The following KPNA4 variants were observed in gnomAD, a reference collection of about 807,000 sequenced individuals.
KPNA4 encodes karyopherin subunit alpha 4, also known as importin subunit alpha-3.
KPNA4 carries 13 observed loss-of-function variants against 71.3 expected under a neutral mutation model. The ratio of observed to expected loss-of-function variants is 0.18; its 90% CI spans 0.12 to 0.29. The LOEUF is 0.29. KPNA4 is among the 10% of genes least tolerant of loss of function. The pLI, the probability that KPNA4 is intolerant of heterozygous loss-of-function variation, is 1.00. For missense variants in KPNA4, 334 were observed against 603.2 expected, an observed-to-expected ratio of 0.55 and a Z score of 4.67; for synonymous variants, 189 against 195.2, an observed-to-expected ratio of 0.97 and a Z score of 0.26.
At chr3:160,517,026 C>T (rs1029860543) in intron 11 of KPNA4, among the ~76,000 whole-genome samples, 3 of 151,844 alleles carry the variant, frequency 2.0e-5, no homozygotes, top group African/African-American at 7.3e-5. Context: ...TTCAGTAGTT[C>T]TTAGTATATT....
At chr3:160,522,492 C>T (rs1250127508) in intron 10 of KPNA4, among the ~76,000 whole-genome samples, 1 of 151,558 alleles carries the variant, frequency 6.6e-6, no homozygotes, top group Non-Finnish European at 1.5e-5. Context: ...GAGTCTCGCT[C>T]TGTCGCCCAG....
chr3:160,508,707 C>CG (rs1721037073), intron 14 of KPNA4, among the ~76,000 whole-genome samples: 1 of 151,756 alleles, frequency 6.6e-6, no homozygotes. Context: ...TATATAGAGA[C>CG]GGGGGTCTCA....
intron 11 of KPNA4, among the ~76,000 whole-genome samples, chr3:160,516,017 C>A (rs1263194922): frequency 2.6e-5 from 4 of 151,686 alleles, no homozygotes; most frequent in Non-Finnish European, 4.4e-5. Flanking sequence ...GACGGAGTCT[C>A]ACTCTGTCGC....
chr3:160,518,811 A>G (rs1008101636), intron 11 of KPNA4, among the ~76,000 whole-genome samples: 4 of 152,110 alleles, frequency 2.6e-5, no homozygotes, highest in Admixed American at 6.5e-5. Context: ...TAATGAGCCG[A>G]GATCATGCCA....
chr3:160,508,153 A>G lies in KPNA4; in HGVS notation c.1326T>C (p.Ala442=), dbSNP rs775382106. 2 of 1,610,412 alleles carry G rather than the reference A, an allele frequency of 1.2e-6. No homozygotes were observed. The highest frequency in any genetic ancestry group is 1.7e-6 in the Non-Finnish European group (2 of 1,178,646). ...LDGLSNILKM[A]EDEAETIGNL... ...TGCCTATGGTTTCTGCCTCATCTTC[A>G]GCCATTTTTAATATATTACTTAGTC... Residue 442 remains alanine, a synonymous_variant, in exon 15 of 17, where the codon GCT becomes GCC. Transcript: ENST00000334256.
chr3:160,512,930 T>A (rs1388699208), intron 13 of KPNA4, among the ~76,000 whole-genome samples: 1 of 152,144 alleles, frequency 6.6e-6, no homozygotes, highest in Non-Finnish European at 1.5e-5. Context: ...TTGCAACTCC[T>A]AGTAAAACAA....
Position 160,557,348 on chromosome 3 carries a change from G to A in KPNA4, c.69+7866C>T, listed in dbSNP as rs577824602. 6.6e-5 allele frequency among the ~76,000 whole-genome samples: 10 copies of A among 152,164 alleles called. No individual in the cohort carries two copies. The East Asian group carries it at 1.9e-3, about 29-fold the overall frequency. ...ATGTAACACTTACCTCAAGGGTCCA[G>A]AAAGACATACTTTAAAAAACATAAA... On this transcript the variant is annotated intron_variant, in intron 1 of 16. Transcript: ENST00000334256.
intron 1 of KPNA4, among the ~76,000 whole-genome samples, chr3:160,562,306 G>A (rs747124493): frequency 6.6e-6 from 1 of 152,136 alleles, no homozygotes; most frequent in Non-Finnish European, 1.5e-5. Context: ...ATGTTGCATG[G>A]TATTTTGGAT....
At chr3:160,543,755 A>G (rs1171030479) in intron 1 of KPNA4, among the ~76,000 whole-genome samples, 1 of 152,220 alleles carries the variant, frequency 6.6e-6, no homozygotes, top group Admixed American at 6.5e-5. Context: ...AATTATAAAC[A>G]AGAGCTATTT....
At chr3:160,548,971 T>C (rs1439410499) in intron 1 of KPNA4, among the ~76,000 whole-genome samples, 2 of 152,230 alleles carry the variant, frequency 1.3e-5, no homozygotes, top group African/African-American at 2.4e-5. Flanking sequence ...GTTGTTTTGA[T>C]AGTAGTCATC....
intron 15 of KPNA4, among the ~76,000 whole-genome samples, chr3:160,506,232 G>C (rs1720981860): frequency 6.6e-6 from 1 of 151,666 alleles, no homozygotes; most frequent in Admixed American, 6.6e-5. Context: ...GCAGTGGCGT[G>C]ATCTTGGCTC....
In KPNA4 at chr3:160,501,007, G is replaced by A. The variant is rs1375159948; in HGVS notation, c.*1097C>T. 1 of 152,390 alleles carries A rather than the reference G, an allele frequency of 6.6e-6. No individual in the cohort carries two copies. The highest frequency in any genetic ancestry group is 1.5e-5 in the Non-Finnish European group (1 of 67,998). The allele number at this position is 152,390 out of a possible 1,614,324, so 9.4% of individuals were successfully genotyped here. ...ATTTACCTCATGCAAAGATCTTTAT[G>A]TTATCTCTGAAAATGAAAAGGATGG... On this transcript the variant is annotated 3_prime_UTR_variant, in exon 17 of 17. Transcript: ENST00000334256.
intron 1 of KPNA4, 131 bp downstream of exon 1, chr3:160,565,082 CG>C: frequency 1.4e-6 from 1 of 707,330 alleles, no homozygotes; most frequent in Non-Finnish European, 2.4e-6. Context: ...GCGTCACAGA[CG>C]GGCCGGCCCC....
At chr3:160,546,240 AG>A (rs1241572275) in intron 1 of KPNA4, among the ~76,000 whole-genome samples, 1 of 152,214 alleles carries the variant, frequency 6.6e-6, no homozygotes, top group Non-Finnish European at 1.5e-5. Flanking sequence ...GTGCAAGGCC[AG>A]GCATGGCAGC....
At chr3:160,556,636 T>G (rs1399545761) in intron 1 of KPNA4, among the ~76,000 whole-genome samples, 1 of 152,212 alleles carries the variant, frequency 6.6e-6, no homozygotes, top group East Asian at 1.9e-4. Context: ...ATCCAAAATC[T>G]GGTATGCTCC....
At chr3:160,538,550 T>TA (rs1468694385) in intron 1 of KPNA4, among the ~76,000 whole-genome samples, 1 of 152,110 alleles carries the variant, frequency 6.6e-6, no homozygotes, top group Non-Finnish European at 1.5e-5. Context: ...AAGGAATCAG[T>TA]AAAAAATATT....
At position 160,536,849 on chromosome 3, in the gene KPNA4, A is replaced by C. The variant is rs1341207954; in HGVS notation, c.70-9T>G. 1.3e-6 allele frequency: 2 copies of C among 1,509,952 alleles called. No individual in the cohort carries two copies. The highest frequency in any genetic ancestry group is 1.8e-6 in the Non-Finnish European group (2 of 1,091,040). 93.5% of individuals were successfully genotyped at this position (1,509,952 alleles called of 1,614,324 possible). On this transcript the variant is annotated splice_polypyrimidine_tract_variant and intron_variant, in intron 1 of 16. Transcript: ENST00000334256. Reference sequence around the variant, plus strand: ...CGTTGTCTTCTCATAGTCTACAAAAAAATTAAAGGAAAATATTTTTAAAAT... The same window carrying C: ...CGTTGTCTTCTCATAGTCTACAAAACAATTAAAGGAAAATATTTTTAAAAT...
In KPNA4 at chr3:160,565,286, C is replaced by T. The variant is rs1333847213; in HGVS notation, c.-4G>A. The T allele has an allele frequency of 1.3e-6, 2 of 1,597,966 alleles. No homozygotes were observed. Among genetic ancestry groups the T allele is most frequent in the Non-Finnish European group, 8.5e-7 (1 of 1,172,586 alleles). On this transcript the variant is annotated 5_prime_UTR_variant, in exon 1 of 17. Transcript: ENST00000334256. ...CCAGTTTCTCGTTGTCCGCCATGGC[C>T]GGGCCGGTGACTCCTTCCCCCGCCC...
intron 10 of KPNA4, among the ~76,000 whole-genome samples, chr3:160,522,122 T>A (rs980251487): frequency 6.6e-6 from 1 of 152,226 alleles, no homozygotes; most frequent in Admixed American, 6.5e-5. Context: ...TATTCAGGAT[T>A]CTGATCCCAG....
Sources: gnomAD v4.1 joint callset for allele counts (sites outside exome capture counted in the v4.1 genomes callset) on GRCh38, gnomAD v4.1.1 for gene constraint, MANE v1.5 for transcripts, NCBI Gene and HGNC (gene_info 2026-07-23, HGNC 2026-07-21) for gene names.